SUCLA2: variants seen among roughly 807,000 people sequenced by gnomAD.
SUCLA2 encodes the protein succinate--CoA ligase [ADP-forming] subunit beta, mitochondrial.
SUCLA2 carries 30 observed loss-of-function variants against 54.8 expected under a neutral mutation model. The observed-to-expected ratio is 0.55, with a 90% CI of 0.41 to 0.74. The LOEUF (loss-of-function observed/expected upper bound fraction) is 0.74, where lower values mean the gene tolerates loss of function less well. SUCLA2 is among the 30% of genes least tolerant of loss of function. The probability of loss-of-function intolerance (pLI) is 0.00; values close to 1 mark genes in which losing one functional copy is unlikely to be tolerated. For synonymous variants in SUCLA2, 172 were observed against 188.9 expected (o/e 0.91, Z 0.74); for missense variants, 476 against 562.9 (o/e 0.85, Z 1.56).
At chr13:47,944,249 T>A (rs764023811) in intron 10 of SUCLA2, among the ~76,000 whole-genome samples, 2 of 152,178 alleles carry the variant, frequency 1.3e-5, no homozygotes, top group African/African-American at 4.8e-5. Flanking sequence ...AATGAGATAA[T>A]CCTTGAAGAA....
At chr13:47,981,393 C>T (rs1386122917) in intron 4 of SUCLA2, among the ~76,000 whole-genome samples, 4 of 152,008 alleles carry the variant, frequency 2.6e-5, no homozygotes, top group African/African-American at 9.7e-5. Flanking sequence ...GGGGGAAATG[C>T]AAATAAAAAC....
chr13:47,969,649 C>T (rs945341700), intron 5 of SUCLA2, among the ~76,000 whole-genome samples: 1 of 152,228 alleles, frequency 6.6e-6, no homozygotes. Context: ...GCTGCCACTG[C>T]TCAGGAACCC....
intron 4 of SUCLA2, among the ~76,000 whole-genome samples, chr13:47,974,449 T>A (rs1454021079): frequency 2.0e-5 from 3 of 152,096 alleles, no homozygotes; most frequent in African/African-American, 7.2e-5. Context: ...TAGCCAGGCA[T>A]GGTGGCATGC....
At chr13:47,947,425 G>GTAA (rs149372063) in intron 10 of SUCLA2, among the ~76,000 whole-genome samples, 1 of 152,110 alleles carries the variant, frequency 6.6e-6, no homozygotes, top group East Asian at 1.9e-4. Context: ...AAATAATCAG[G>GTAA]TAATTATCCT....
intron 4 of SUCLA2, among the ~76,000 whole-genome samples, chr13:47,975,166 T>C (rs891408729): frequency 3.9e-5 from 4 of 102,284 alleles, no homozygotes; most frequent in South Asian, 3.4e-4. Context: ...CTTTCTTTTC[T>C]TTTTTTTTTT....
At chr13:47,944,484 T>C (rs1949713172) in intron 10 of SUCLA2, among the ~76,000 whole-genome samples, 1 of 151,122 alleles carries the variant, frequency 6.6e-6, no homozygotes, top group South Asian at 2.1e-4. Flanking sequence ...TCCAAGCTTT[T>C]CTTAATTTAA....
Position 47,943,764 on chromosome 13 carries a change from G to GTATATATATATATA in SUCLA2, c.1318-320_1318-319insTATATATATATATA, listed in dbSNP as rs1366859649. Among the ~76,000 whole-genome samples the GTATATATATATATA allele has an allele frequency of 4.8e-3, 668 of 137,912 alleles. 4 individuals carry two copies. The highest frequency in any genetic ancestry group is 0.018 in the African/African-American group (635 of 36,024). The allele number at this position is 137,912 out of a possible 152,430, so 90.5% of individuals were successfully genotyped here. A position where few individuals can be genotyped will look rare whatever the true frequency, so the allele number is the denominator to read the frequency against. On this transcript the variant is annotated intron_variant, in intron 10 of 10. Coordinates refer to ENST00000646932, the MANE Select transcript of SUCLA2 (RefSeq NM_003850.3). ...TATGTATGTGTGTGTGTGTGTGTGT[G>GTATATATATATATA]TGTATATATATATATATTATTCTAA...
intron 4 of SUCLA2, among the ~76,000 whole-genome samples, chr13:47,982,500 G>A (rs200419398): frequency 2.7e-5 from 4 of 150,926 alleles, no homozygotes; most frequent in Non-Finnish European, 3.0e-5. Context: ...AAAAATTAAA[G>A]AAAAAAAAAG....
At chr13:47,951,058 C>CCA (rs1566081244) in intron 8 of SUCLA2, among the ~76,000 whole-genome samples, 1 of 152,130 alleles carries the variant, frequency 6.6e-6, no homozygotes, top group African/African-American at 2.4e-5. Context: ...TCCATATTCA[C>CCA]CACCAGGCAC....
chr13:47,981,250 C>T (rs1566089617), intron 4 of SUCLA2, among the ~76,000 whole-genome samples: 1 of 151,488 alleles, frequency 6.6e-6, no homozygotes, highest in African/African-American at 2.4e-5. Flanking sequence ...ACTCAATAAC[C>T]AAAAAAGTAA....
At chr13:47,974,465 T>C (rs1003635803) in intron 4 of SUCLA2, among the ~76,000 whole-genome samples, 11 of 152,114 alleles carry the variant, frequency 7.2e-5, no homozygotes, top group Admixed American at 5.2e-4. Flanking sequence ...CATGCCCCTT[T>C]AGTCCCAGCT....
At chr13:47,952,688 CA>C (rs1285222749) in intron 8 of SUCLA2, among the ~76,000 whole-genome samples, 1 of 152,092 alleles carries the variant, frequency 6.6e-6, no homozygotes, top group Non-Finnish European at 1.5e-5. Flanking sequence ...ATCTCTTCCA[CA>C]AGAGAATTCA....
intron 6 of SUCLA2, among the ~76,000 whole-genome samples, 179 bp from the exon 7 acceptor site, chr13:47,954,736 A>G (rs2137694952): frequency 6.6e-6 from 1 of 152,320 alleles, no homozygotes; most frequent in Non-Finnish European, 1.5e-5. Context: ...AATATTTGGG[A>G]ATTAAAACTG....
intron 2 of SUCLA2, among the ~76,000 whole-genome samples, chr13:47,990,913 T>C (rs1230990123): frequency 6.6e-6 from 1 of 152,204 alleles, no homozygotes; most frequent in African/African-American, 2.4e-5. Flanking sequence ...TCACCAGAAA[T>C]ACATGCTATT....
intron 4 of SUCLA2, among the ~76,000 whole-genome samples, chr13:47,983,916 T>C (rs1314120930): frequency 6.6e-6 from 1 of 151,910 alleles, no homozygotes; most frequent in African/African-American, 2.4e-5. Context: ...AGTCAACAAT[T>C]GGTTATAAGT....
chr13:47,943,951 A>G (rs915455127), intron 10 of SUCLA2, among the ~76,000 whole-genome samples: 5 of 152,020 alleles, frequency 3.3e-5, no homozygotes, highest in Non-Finnish European at 7.4e-5. Context: ...TTTTGTCAGT[A>G]AGTTAACAAT....
At chr13:47,964,840 G>A (rs892643022) in intron 6 of SUCLA2, among the ~76,000 whole-genome samples, 1 of 151,988 alleles carries the variant, frequency 6.6e-6, no homozygotes, top group East Asian at 1.9e-4. Flanking sequence ...CTGGGTGACA[G>A]AGCAAGACCC....
intron 10 of SUCLA2, among the ~76,000 whole-genome samples, chr13:47,946,418 A>T (rs1055115406): frequency 6.6e-6 from 1 of 152,152 alleles, no homozygotes; most frequent in Non-Finnish European, 1.5e-5. Flanking sequence ...AAGATAAACC[A>T]AAACTTTCTT....
intron 4 of SUCLA2, among the ~76,000 whole-genome samples, chr13:47,974,061 C>CA (rs1949989203): frequency 6.7e-6 from 1 of 148,472 alleles, no homozygotes. Flanking sequence ...ACTTTCTGCA[C>CA]ATGTATCCCA....
Sources: allele counts gnomAD v4.1 joint callset (sites outside exome capture counted in the v4.1 genomes callset), GRCh38; gene constraint gnomAD v4.1.1; transcripts MANE v1.5; gene names NCBI Gene and HGNC (gene_info 2026-07-23, HGNC 2026-07-21).